SPECC1L: variants seen among roughly 807,000 people sequenced by gnomAD.
SPECC1L encodes sperm antigen with calponin homology and coiled-coil domains 1 like.
A neutral mutation model predicts 116.8 loss-of-function variants in SPECC1L; 40 were observed. The observed-to-expected ratio is 0.34, with a 90% confidence interval of 0.27 to 0.45. The LOEUF is 0.45. Among genes scored for constraint, SPECC1L ranks in the 20% least tolerant of loss-of-function variants. The pLI, the probability that SPECC1L is intolerant of heterozygous loss-of-function variation, is 1.00. For synonymous variants in SPECC1L, 504 were observed against 500.6 expected (o/e 1.01, Z -0.09); for missense variants, 1,110 against 1,373.6 (o/e 0.81, Z 3.03).
intron 10 of SPECC1L, chr22:24,343,689 G>T: frequency 5.4e-6 from 1 of 185,874 alleles, no homozygotes; most frequent in Non-Finnish European, 1.2e-5. Context: ...TCAAATTCCT[G>T]GACTCAGGTG....
intron 11 of SPECC1L, among the ~76,000 whole-genome samples, chr22:24,350,029 C>G (rs2041390520): frequency 6.6e-6 from 1 of 152,160 alleles, no homozygotes; most frequent in Non-Finnish European, 1.5e-5. Context: ...TCTTCACTTT[C>G]TTGCTCACCC....
chr22:24,321,434 A>C lies in SPECC1L; in HGVS notation c.454A>C (p.Lys152Gln). 1.2e-6 allele frequency: 2 copies of C among 1,614,264 alleles called. No individual in the cohort carries two copies. The highest frequency in any genetic ancestry group is 1.7e-6 in the Non-Finnish European group (2 of 1,180,038). The change falls in exon 5 of 17, where the codon AAA becomes CAA. Residue 152 changes from lysine (K) to glutamine (Q), a missense_variant. Around this residue, in one of 4 missense-constraint regions of SPECC1L, gnomAD observed 437 missense variants for 482.6 expected, o/e 0.91. Coordinates refer to ENST00000314328, the MANE Select transcript of SPECC1L (RefSeq NM_015330.6). ...GGGAGCTAATGACATGGCATTGGCCAAACGTTCCCGCAGTCGAACTGCTAC... is the reference window on the plus strand; with the variant it reads ...GGGAGCTAATGACATGGCATTGGCCCAACGTTCCCGCAGTCGAACTGCTAC... ...GQGANDMALA[K>Q]RSRSRTATEC... is the part of the protein sequence containing the mutation.
At chr22:24,273,862 G>A (rs1436555455) in intron 1 of SPECC1L, among the ~76,000 whole-genome samples, 2 of 152,182 alleles carry the variant, frequency 1.3e-5, no homozygotes, top group Non-Finnish European at 2.9e-5. Context: ...AGGTTCAAGC[G>A]ATTCTCCTGC....
intron 2 of SPECC1L, among the ~76,000 whole-genome samples, chr22:24,301,756 T>C (rs1456945210): frequency 1.3e-5 from 2 of 152,068 alleles, no homozygotes; most frequent in Non-Finnish European, 2.9e-5. Flanking sequence ...CATATTATAA[T>C]ATATATCAGA....
intron 14 of SPECC1L, among the ~76,000 whole-genome samples, chr22:24,402,627 C>T (rs1310483875): frequency 2.0e-5 from 3 of 152,290 alleles, no homozygotes; most frequent in African/African-American, 7.2e-5. Flanking sequence ...CCAGTGAGGA[C>T]CACCTCTGCC....
intron 10 of SPECC1L, among the ~76,000 whole-genome samples, chr22:24,343,285 C>G (rs1162776682): frequency 6.6e-6 from 1 of 152,120 alleles, no homozygotes; most frequent in African/African-American, 2.4e-5. Flanking sequence ...AATCAGGAAG[C>G]TAAAGCAAGA....
At chr22:24,290,414 T>TAA (rs2049135616) in intron 2 of SPECC1L, among the ~76,000 whole-genome samples, 1 of 152,240 alleles carries the variant, frequency 6.6e-6, no homozygotes. Flanking sequence ...AATGGGAAAC[T>TAA]ACCCTGTTAA....
At chr22:24,330,142 A>G (rs1195703157) in intron 7 of SPECC1L, 114 bp from the exon 8 acceptor site, 1 of 1,039,832 alleles carries the variant, frequency 9.6e-7, no homozygotes, top group Non-Finnish European at 1.4e-6. Context: ...AAAATTAATC[A>G]TCATTTGGAA....
chr22:24,371,388 G>A (rs1264806471), intron 14 of SPECC1L, among the ~76,000 whole-genome samples: 1 of 152,088 alleles, frequency 6.6e-6, no homozygotes, highest in Non-Finnish European at 1.5e-5. Flanking sequence ...CAAGATGAGA[G>A]GATCACTTGA....
rs62233978 is a variant in SPECC1L at position 24,380,991 on chromosome 22, T to C, written c.3087+11671T>C. Among the ~76,000 whole-genome samples, 1,125 of 152,360 alleles carry C rather than the reference T, an allele frequency of 7.4e-3. 6 individuals carry two copies. Among genetic ancestry groups the C allele is most frequent in the South Asian group, 0.013 (61 of 4,822 alleles). On this transcript the variant is annotated intron_variant, in intron 14 of 16. Transcript: ENST00000314328. ...AGTGGTAATCCAGTTCCCTGCTTCCTTATCTCTAAAATTTCTGCTGTCCAG... is the reference window on the plus strand; with the variant it reads ...AGTGGTAATCCAGTTCCCTGCTTCCCTATCTCTAAAATTTCTGCTGTCCAG...
intron 2 of SPECC1L, among the ~76,000 whole-genome samples, chr22:24,296,388 A>G (rs1821570): frequency 0.033 from 4,996 of 152,246 alleles, 75 homozygotes; most frequent in African/African-American, 0.079. Flanking sequence ...TTTAAGAAAC[A>G]CTGTTTGACA....
At chr22:24,399,031 C>T (rs956512465) in intron 14 of SPECC1L, among the ~76,000 whole-genome samples, 1 of 152,240 alleles carries the variant, frequency 6.6e-6, no homozygotes, top group African/African-American at 2.4e-5. Flanking sequence ...AAACTGCTCA[C>T]AACATGCTCA....
chr22:24,346,927 T>G (rs574873279), intron 10 of SPECC1L, among the ~76,000 whole-genome samples, 159 bp from the exon 11 acceptor site: 1 of 152,330 alleles, frequency 6.6e-6, no homozygotes, highest in Non-Finnish European at 1.5e-5. Context: ...AAAAGTATAT[T>G]GATCACAGTC....
Position 24,321,718 on chromosome 22 carries a change from G to T in SPECC1L, c.738G>T (p.Leu246Phe). ...PTDVESTLLQ[L>F]QEQNTAIREE... is the part of the protein sequence containing the mutation. ...ATGTGGAGTCCACTTTATTGCAGTT[G>T]CAGGAACAGAATACTGCCATCCGTG... is the stretch of plus-strand genomic sequence containing the variant. The change falls in exon 5 of 17, where the codon TTG becomes TTT. Residue 246 changes from leucine (L) to phenylalanine (F), a missense_variant. By Grantham distance (22) the Leu-to-Phe change is conservative. Coordinates refer to ENST00000314328, the MANE Select transcript of SPECC1L (RefSeq NM_015330.6). 6.2e-7 allele frequency: 1 copy of T among 1,614,204 alleles called. No homozygotes were observed. Among genetic ancestry groups the T allele is most frequent in the Non-Finnish European group, 8.5e-7 (1 of 1,180,036 alleles).
chr22:24,410,686 C>G (rs990173191), intron 14 of SPECC1L, among the ~76,000 whole-genome samples: 1 of 152,126 alleles, frequency 6.6e-6, no homozygotes, highest in Non-Finnish European at 1.5e-5. Flanking sequence ...ACATGTGGTG[C>G]GTGGCCTGGA....
At chr22:24,317,163 G>T (rs1353032442) in intron 4 of SPECC1L, among the ~76,000 whole-genome samples, 1 of 101,870 alleles carries the variant, frequency 9.8e-6, no homozygotes, top group African/African-American at 3.8e-5. Flanking sequence ...TCCCGGACGG[G>T]GCGGCTGGCT....
intron 14 of SPECC1L, among the ~76,000 whole-genome samples, chr22:24,389,642 AAGAAGTACTT>A (rs2042228592): frequency 2.0e-5 from 3 of 152,126 alleles, no homozygotes; most frequent in Admixed American, 1.3e-4. Context: ...AAGCAAGGAA[AAGAAGTACTT>A]ACCTTTATTC....
intron 14 of SPECC1L, among the ~76,000 whole-genome samples, chr22:24,380,995 C>G (rs1202621405): frequency 6.6e-6 from 1 of 152,190 alleles, no homozygotes; most frequent in Non-Finnish European, 1.5e-5. Context: ...GCTTCCTTAT[C>G]TCTAAAATTT....
rs927952895 is a variant in SPECC1L, at chr22:24,417,689, GAA to G, written c.*3071_*3072del. The G allele has an allele frequency of 6.6e-5, 10 of 152,170 alleles. No individual in the cohort carries two copies. Among genetic ancestry groups the G allele is most frequent in the African/African-American group, 2.2e-4 (9 of 41,524 alleles). 9.4% of individuals were successfully genotyped at this position (152,170 alleles called of 1,614,324 possible). ...TCAGGATGTATAAAATAGAGAAAAA[GAA>G]AAAAGGTATCCTACCCAGAGGCAAC... On this transcript the variant is annotated 3_prime_UTR_variant, in exon 17 of 17. Coordinates refer to ENST00000314328, the MANE Select transcript of SPECC1L (RefSeq NM_015330.6).
Sources: allele counts gnomAD v4.1 joint callset (sites outside exome capture counted in the v4.1 genomes callset), GRCh38; gene constraint gnomAD v4.1.1; regional missense constraint gnomAD v4.1.1; transcripts MANE v1.5; gene names NCBI Gene and HGNC (gene_info 2026-07-23, HGNC 2026-07-21).